The following LOC400499 variants were observed in gnomAD, a reference collection of about 807,000 sequenced individuals.
chr16:11,435,094 C>T, the LOC400499 span, among the ~76,000 whole-genome samples: 1 of 152,222 alleles, frequency 6.6e-6, no homozygotes, highest in East Asian at 1.9e-4. Context: ...ATCCTCTCGC[C>T]TCAGCCTCCC....
the LOC400499 span, chr16:11,502,231 C>T: frequency 7.8e-5 from 31 of 398,568 alleles, no homozygotes; most frequent in Non-Finnish European, 1.1e-4. Context: ...GGGGGATCCC[C>T]GAAGGTCACC....
chr16:11,457,921 G>C, the LOC400499 span, among the ~76,000 whole-genome samples: 1 of 152,174 alleles, frequency 6.6e-6, no homozygotes, highest in African/African-American at 2.4e-5. Flanking sequence ...AAAAGGACAG[G>C]ACAGGCACGG....
chr16:11,385,143 G>C, the LOC400499 span: 5 of 1,230,288 alleles, frequency 4.1e-6, no homozygotes, highest in Non-Finnish European at 5.1e-6. Flanking sequence ...CCCCCCAGGC[G>C]ACCTGCCATG....
the LOC400499 span, among the ~76,000 whole-genome samples, chr16:11,519,949 C>T: frequency 6.6e-6 from 1 of 152,058 alleles, no homozygotes; most frequent in African/African-American, 2.4e-5. Context: ...GTGATCCACC[C>T]GCCTCGGCCT....
the LOC400499 span, chr16:11,412,724 T>A: frequency 3.0e-5 from 12 of 396,360 alleles, no homozygotes; most frequent in Non-Finnish European, 4.9e-5. Context: ...CCTGCCCTTG[T>A]TTATGCAGCA....
At chr16:11,385,200 C>G in the LOC400499 span, 2 of 1,231,974 alleles carry the variant, frequency 1.6e-6, no homozygotes, top group African/African-American at 1.6e-5. Flanking sequence ...TGCCATGCCT[C>G]TCCTGCTCAC....
chr16:11,495,639 C>T, the LOC400499 span, among the ~76,000 whole-genome samples: 390 of 152,316 alleles, frequency 2.6e-3, 1 homozygote, highest in Non-Finnish European at 4.4e-3. Context: ...CTCGGTCTCC[C>T]AAAGTGCTGG....
At chr16:11,441,426 A>C in the LOC400499 span, among the ~76,000 whole-genome samples, 1 of 152,216 alleles carries the variant, frequency 6.6e-6, no homozygotes, top group African/African-American at 2.4e-5. Flanking sequence ...TATTTGGACA[A>C]ATGCAGAATC....
At chr16:11,398,680 G>C in the LOC400499 span, among the ~76,000 whole-genome samples, 1 of 110,760 alleles carries the variant, frequency 9.0e-6, no homozygotes, top group South Asian at 2.7e-4. Flanking sequence ...TTTTTTTTTT[G>C]AGACACTCTT....
chr16:11,459,162 GA>G, the LOC400499 span, among the ~76,000 whole-genome samples: 1 of 148,106 alleles, frequency 6.8e-6, no homozygotes, highest in East Asian at 2.0e-4. Context: ...GACTGGATGT[GA>G]AAAGGGAAAA....
chr16:11,452,475 C>T, the LOC400499 span, among the ~76,000 whole-genome samples: 125 of 152,262 alleles, frequency 8.2e-4, no homozygotes, highest in Admixed American at 1.2e-3. Flanking sequence ...TGATCAAGGG[C>T]GCCCCTCTGG....
At chr16:11,383,737 C>G in the LOC400499 span, 1 of 1,232,274 alleles carries the variant, frequency 8.1e-7, no homozygotes, top group Non-Finnish European at 1.0e-6. Context: ...CTCCTGGGTG[C>G]CACAGGGGAC....
At chr16:11,409,119 G>A in the LOC400499 span, among the ~76,000 whole-genome samples, 11 of 151,866 alleles carry the variant, frequency 7.2e-5, no homozygotes, top group Non-Finnish European at 4.4e-5. Context: ...AAATTAGCCA[G>A]GCATGGTAGT....
chr16:11,425,524 G>C, the LOC400499 span: 1 of 398,172 alleles, frequency 2.5e-6, no homozygotes, highest in Non-Finnish European at 4.4e-6. Context: ...GGGGTAAGAA[G>C]TTGCTAGATT....
At chr16:11,499,629 G>A in the LOC400499 span, among the ~76,000 whole-genome samples, 1 of 152,112 alleles carries the variant, frequency 6.6e-6, no homozygotes, top group Non-Finnish European at 1.5e-5. Flanking sequence ...CCACCTGGAG[G>A]GACAGCCAGG....
chr16:11,491,892 C>T, the LOC400499 span: 4 of 398,372 alleles, frequency 1.0e-5, no homozygotes, highest in Admixed American at 1.3e-4. Context: ...TACCTACCTC[C>T]ACCCAGGAGT....
the LOC400499 span, chr16:11,424,016 C>T: frequency 1.8e-5 from 7 of 398,832 alleles, no homozygotes; most frequent in South Asian, 2.6e-4. Context: ...CGCCAGACTA[C>T]GTCCCACACT....
At chr16:11,422,268 G>C in the LOC400499 span, among the ~76,000 whole-genome samples, 2 of 152,158 alleles carry the variant, frequency 1.3e-5, no homozygotes, top group African/African-American at 2.4e-5. Context: ...TGGGCGTGGT[G>C]GTGGGCACCT....
the LOC400499 span, among the ~76,000 whole-genome samples, chr16:11,418,084 G>A: frequency 6.6e-6 from 1 of 152,222 alleles, no homozygotes; most frequent in Non-Finnish European, 1.5e-5. Context: ...GGGGCAGGCA[G>A]GGGAGAGTGG....
Sources: gnomAD v4.1 joint callset for allele counts (sites outside exome capture counted in the v4.1 genomes callset) on GRCh38, gnomAD v4.1.1 for gene constraint, MANE v1.5 for transcripts.